PHKB: variants seen among roughly 807,000 people sequenced by gnomAD.
PHKB encodes phosphorylase b kinase regulatory subunit beta.
PHKB carries 122 observed loss-of-function variants against 152.1 expected under a neutral mutation model. The ratio of observed to expected loss-of-function variants is 0.80; its 90% CI spans 0.69 to 0.93. The LOEUF is 0.93. Ranked by LOEUF, PHKB falls within the 40% of genes least tolerant of loss-of-function variation. PHKB has a pLI of 0.00. For missense variants in PHKB, 1,304 were observed against 1,328.4 expected (o/e 0.98, Z 0.29); for synonymous variants, 436 against 464.9 (o/e 0.94, Z 0.80).
chr16:47,576,262 T>C (rs1398003528), intron 7 of PHKB, among the ~76,000 whole-genome samples: 1 of 152,294 alleles, frequency 6.6e-6, no homozygotes, highest in East Asian at 1.9e-4. Context: ...TTGTCATAAA[T>C]AGATGTTGAA....
At chr16:47,557,810 G>T (rs1379675285) in intron 7 of PHKB, among the ~76,000 whole-genome samples, 1 of 152,078 alleles carries the variant, frequency 6.6e-6, no homozygotes, top group Non-Finnish European at 1.5e-5. Flanking sequence ...TTCAACCATT[G>T]TGGAAGTCAG....
chr16:47,516,920 T>C (rs1180847792), intron 6 of PHKB, among the ~76,000 whole-genome samples: 1 of 152,196 alleles, frequency 6.6e-6, no homozygotes, highest in East Asian at 1.9e-4. Context: ...ATTCAAGCAT[T>C]TGGGATCAGG....
intron 7 of PHKB, among the ~76,000 whole-genome samples, chr16:47,579,842 T>C (rs1971812335): frequency 1.3e-5 from 2 of 152,266 alleles, no homozygotes; most frequent in South Asian, 4.1e-4. Context: ...GAAGGATACT[T>C]TAAGCCACAC....
chr16:47,693,373 T>A lies in PHKB; in HGVS notation c.2766-5T>A, dbSNP rs1335336812. The A allele has an allele frequency of 1.9e-6, 3 of 1,613,872 alleles. No individual in the cohort carries two copies. The highest frequency in any genetic ancestry group is 1.3e-5 in the African/African-American group (1 of 74,916). ...CAACTCTGAGACATTTGCCTTTTGT[T>A]ACAGATGTTGGCTGAACAGGCGTCA... On this transcript the variant is annotated splice_polypyrimidine_tract_variant and splice_region_variant and intron_variant, in intron 27 of 30. Coordinates refer to ENST00000323584, the MANE Select transcript of PHKB (RefSeq NM_000293.3).
At chr16:47,632,065 T>C (rs763626942) in intron 14 of PHKB, among the ~76,000 whole-genome samples, 9 of 152,168 alleles carry the variant, frequency 5.9e-5, no homozygotes, top group Non-Finnish European at 1.2e-4. Flanking sequence ...ATGTCTATGC[T>C]TCTTTCTGTG....
intron 7 of PHKB, among the ~76,000 whole-genome samples, chr16:47,550,271 A>G (rs1455330240): frequency 6.6e-6 from 1 of 152,162 alleles, no homozygotes; most frequent in Non-Finnish European, 1.5e-5. Flanking sequence ...AGTGGAATGT[A>G]GAGCTGCTAC....
chr16:47,599,126 T>G, intron 13 of PHKB: 4 of 483,156 alleles, frequency 8.3e-6, no homozygotes. Context: ...AGAAGCTTTG[T>G]TGTTACAGTT....
chr16:47,601,196 AAT>A (rs1972218820), intron 13 of PHKB, among the ~76,000 whole-genome samples: 2 of 152,236 alleles, frequency 1.3e-5, no homozygotes, highest in Admixed American at 1.3e-4. Flanking sequence ...TAGCCTGGGC[AAT>A]AGAGTGAGAC....
chr16:47,678,382 A>T (rs1337703995), intron 26 of PHKB, among the ~76,000 whole-genome samples: 1 of 152,210 alleles, frequency 6.6e-6, no homozygotes, highest in Non-Finnish European at 1.5e-5. Context: ...TCAGAGTCCC[A>T]CCAACAGTGT....
intron 7 of PHKB, among the ~76,000 whole-genome samples, chr16:47,553,539 A>T (rs1019718147): frequency 1.3e-5 from 2 of 152,086 alleles, no homozygotes; most frequent in Non-Finnish European, 2.9e-5. Flanking sequence ...TACTTCTGTC[A>T]GTTCATCAAA....
Position 47,547,543 on chromosome 16 carries a change from T to G in PHKB, c.705T>G (p.His235Gln). Residue 235 changes from histidine (H) to glutamine (Q), a missense_variant, in exon 7 of 31, where the codon CAT (histidine) becomes CAG (glutamine). By Grantham distance (24) the His-to-Gln change is conservative (BLOSUM62 0). Transcript: ENST00000323584. ...SKYNNGSTEL[H>Q]SSSVGLAKAA... The stretch of plus-strand genomic sequence containing the variant: ...ATAATAATGGCAGCACAGAGCTACA[T>G]TCGAGGTAATTTGCTGATTTCTGAG... The G allele has an allele frequency of 1.3e-6, 2 of 1,570,674 alleles. No homozygotes were observed. Among genetic ancestry groups the G allele is most frequent in the Non-Finnish European group, 1.8e-6 (2 of 1,140,746 alleles).
intron 6 of PHKB, among the ~76,000 whole-genome samples, chr16:47,532,336 A>T (rs1250917452): frequency 6.6e-6 from 1 of 152,246 alleles, no homozygotes; most frequent in Non-Finnish European, 1.5e-5. Context: ...CGTTTAGATG[A>T]TACCCTAGTG....
intron 25 of PHKB, 86 bp from the exon 26 acceptor site, chr16:47,669,129 G>A: frequency 1.0e-6 from 1 of 958,282 alleles, no homozygotes; most frequent in Non-Finnish European, 1.7e-6. Flanking sequence ...ATTTCAGCCT[G>A]CCAGTCATTC....
intron 6 of PHKB, among the ~76,000 whole-genome samples, chr16:47,543,109 C>T (rs975872612): frequency 3.3e-5 from 5 of 152,134 alleles, no homozygotes; most frequent in African/African-American, 7.2e-5. Context: ...CCAGTTTTTG[C>T]CCATTCAGTG....
intron 7 of PHKB, chr16:47,566,474 A>G (rs1971569057): frequency 8.1e-6 from 13 of 1,608,780 alleles, no homozygotes; most frequent in Non-Finnish European, 9.3e-6. Context: ...CAAATTCAGC[A>G]TAACCAAAAC....
At chr16:47,498,282 A>G (rs868256078) in intron 2 of PHKB, among the ~76,000 whole-genome samples, 24 of 152,280 alleles carry the variant, frequency 1.6e-4, no homozygotes, top group Middle Eastern at 3.4e-3. Flanking sequence ...AACTAACTAT[A>G]TTTTTTTATG....
intron 7 of PHKB, among the ~76,000 whole-genome samples, chr16:47,558,238 C>A (rs1466244801): frequency 2.2e-5 from 2 of 89,624 alleles, no homozygotes; most frequent in East Asian, 6.2e-4. Flanking sequence ...GTTGTGGGGT[C>A]GGGGGAGGGG....
chr16:47,471,948 C>G (rs140706122), intron 1 of PHKB, among the ~76,000 whole-genome samples: 1 of 152,094 alleles, frequency 6.6e-6, no homozygotes, highest in Non-Finnish European at 1.5e-5. Context: ...CCCAGCTACT[C>G]GCAAGGCTGA....
chr16:47,673,727 A>G (rs926515240), intron 26 of PHKB, among the ~76,000 whole-genome samples: 7 of 152,198 alleles, frequency 4.6e-5, no homozygotes, highest in Non-Finnish European at 1.0e-4. Flanking sequence ...CTCCATCACT[A>G]TAGCCACAAA....
Sources: gnomAD v4.1 joint callset for allele counts (sites outside exome capture counted in the v4.1 genomes callset) on GRCh38, gnomAD v4.1.1 for gene constraint, MANE v1.5 for transcripts, NCBI Gene and HGNC (gene_info 2026-07-23, HGNC 2026-07-21) for gene names.